Variants in CPS1 observed in about 807,000 individuals in gnomAD.
CPS1 encodes the protein carbamoyl-phosphate synthase [ammonia], mitochondrial.
CPS1 carries 109 observed loss-of-function variants against 174.6 expected under a neutral mutation model. The observed-to-expected ratio is 0.62, with a 90% CI of 0.53 to 0.73. CPS1 has a LOEUF of 0.73. CPS1 is among the 30% of genes least tolerant of loss of function. The pLI is 0.00. For synonymous variants in CPS1, 637 were observed against 632.0 expected (o/e 1.01, Z -0.12); for missense variants, 1,689 against 1,821.9 (o/e 0.93, Z 1.33).
rs756845919 is a variant in CPS1, at chr2:210,648,087, A to G, written c.3336+30A>G. ...GGAGAGAAACAAGTATCTGTTTCTAATGTTCTATTTTGAAGAGCTGCAACC... is the reference window on the plus strand; with the variant it reads ...GGAGAGAAACAAGTATCTGTTTCTAGTGTTCTATTTTGAAGAGCTGCAACC... On this transcript the variant is annotated intron_variant, in intron 26 of 37. Coordinates refer to ENST00000233072, the MANE Select transcript of CPS1 (RefSeq NM_001875.5). 1.9e-6 allele frequency: 3 copies of G among 1,601,364 alleles called. No homozygotes were observed. In the South Asian group the frequency reaches 3.3e-5, roughly 18 times the overall value.
chr2:210,577,334 A>C, intron 3 of CPS1, 87 bp from the exon 4 acceptor site: 1 of 1,102,438 alleles, frequency 9.1e-7, no homozygotes, highest in Non-Finnish European at 1.4e-6. Context: ...TGGATATCAT[A>C]AAACTTAAAA....
At chr2:210,569,025 G>A (rs1167075806) in intron 1 of CPS1, among the ~76,000 whole-genome samples, 1 of 151,742 alleles carries the variant, frequency 6.6e-6, no homozygotes, top group African/African-American at 2.4e-5. Context: ...GAAACATTCT[G>A]CTAAATACTC....
intron 1 of CPS1, among the ~76,000 whole-genome samples, chr2:210,557,658 T>C (rs1696957137): frequency 6.6e-6 from 1 of 152,098 alleles, no homozygotes; most frequent in Non-Finnish European, 1.5e-5. Flanking sequence ...CCAATGAAAA[T>C]AATCTTTAGT....
In CPS1 at chr2:210,656,547, A is replaced by C; in HGVS notation, c.3581A>C (p.Glu1194Ala). The part of the protein sequence containing the change: ...DGRVISHAIS[E>A]HVEDAGVHSG... Reference sequence around the variant, plus strand: ...CAGGTTATCTCTCATGCCATCTCTGAACATGTTGAAGATGCAGGTGTCCAC... The same window carrying C: ...CAGGTTATCTCTCATGCCATCTCTGCACATGTTGAAGATGCAGGTGTCCAC... The change falls in exon 30 of 38, where the codon GAA becomes GCA. Residue 1194 changes from glutamate (E) to alanine (A), a missense_variant. Glu to Ala is a moderately radical substitution (Grantham distance 107). Transcript: ENST00000233072. The C allele has an allele frequency of 6.2e-7, 1 of 1,611,130 alleles. No individual in the cohort carries two copies. Among genetic ancestry groups the C allele is most frequent in the Non-Finnish European group, 8.5e-7 (1 of 1,178,952 alleles).
chr2:210,672,564 A>T (rs577274874), intron 34 of CPS1: 1 of 152,338 alleles, frequency 6.6e-6, no homozygotes, highest in East Asian at 1.9e-4. Context: ...GCCTTTTCTG[A>T]GGAGAATGAA....
intron 23 of CPS1, among the ~76,000 whole-genome samples, chr2:210,639,743 A>G (rs1424212400): frequency 6.6e-6 from 1 of 152,146 alleles, no homozygotes; most frequent in Non-Finnish European, 1.5e-5. Context: ...ATTAAGGACA[A>G]TGACTACATG....
At chr2:210,495,599 T>A (rs1416912869) in intron 1 of CPS1, among the ~76,000 whole-genome samples, 2 of 152,220 alleles carry the variant, frequency 1.3e-5, no homozygotes, top group East Asian at 3.9e-4. Flanking sequence ...TTTTTCCTGC[T>A]TGTTCATTCC....
chr2:210,564,427 G>C (rs1200911648), intron 1 of CPS1, among the ~76,000 whole-genome samples: 3 of 151,812 alleles, frequency 2.0e-5, no homozygotes, highest in Admixed American at 2.0e-4. Context: ...CCAGGCTGGA[G>C]TGCAGTGCTG....
At chr2:210,615,317 C>T (rs1484755440) in intron 20 of CPS1, among the ~76,000 whole-genome samples, 1 of 151,928 alleles carries the variant, frequency 6.6e-6, no homozygotes, top group Non-Finnish European at 1.5e-5. Context: ...CATACATTGA[C>T]TAGGAAATGA....
At position 210,533,817 on chromosome 2, in the gene CPS1, C is replaced by T. The variant is rs1182189039; in HGVS notation, c.4-22902C>T. Among the ~76,000 whole-genome samples, 4 of 152,120 alleles carry T rather than the reference C, an allele frequency of 2.6e-5. No individual in the cohort carries two copies. The East Asian group carries it at 7.7e-4, about 29-fold the overall frequency. ...GAGGGATCATGCACCAGACAGTGGC[C>T]TACCAGGGGGCATTAATCAAATGAT... On this transcript the variant is annotated intron_variant, in intron 1 of 38. Transcript: ENST00000430249.
At chr2:210,577,231 G>T (rs1697742037) in intron 3 of CPS1, 190 bp from the exon 4 acceptor site, 2 of 609,288 alleles carry the variant, frequency 3.3e-6, no homozygotes, top group Non-Finnish European at 5.8e-6. Flanking sequence ...TCCCTCTCAG[G>T]ATAATTAATG....
At chr2:210,670,895 A>G (rs1443762116) in intron 34 of CPS1, among the ~76,000 whole-genome samples, 2 of 152,206 alleles carry the variant, frequency 1.3e-5, no homozygotes, top group Non-Finnish European at 2.9e-5. Context: ...ACTTAGGATA[A>G]AAGAATCAAG....
At chr2:210,584,213 G>C (rs1409792578) in intron 6 of CPS1, among the ~76,000 whole-genome samples, 2 of 152,000 alleles carry the variant, frequency 1.3e-5, no homozygotes, top group Non-Finnish European at 2.9e-5. Context: ...GGTTACCATG[G>C]GGCTTTACAT....
intron 1 of CPS1, among the ~76,000 whole-genome samples, chr2:210,495,637 G>GA (rs1694974941): frequency 6.6e-6 from 1 of 152,076 alleles, no homozygotes; most frequent in African/African-American, 2.4e-5. Flanking sequence ...TTTAATCCCG[G>GA]AAAAATATTT....
At position 210,639,338 on chromosome 2, in the gene CPS1, C is replaced by T. The variant is rs541106621; in HGVS notation, c.2895+123C>T. ...AATAAAAAAAGGCATCATGGCCGGG[C>T]GCGGTGGCTCACGCCTGTAATCCCA... On this transcript the variant is annotated intron_variant, in intron 23 of 37. Transcript: ENST00000233072. The T allele has an allele frequency of 1.3e-3, 1,014 of 801,410 alleles. 10 individuals carry two copies. The highest frequency in any genetic ancestry group is 8.6e-3 in the South Asian group (584 of 67,784). The allele number at this position is 801,410 out of a possible 1,614,324, so 49.6% of individuals were successfully genotyped here.
At chr2:210,562,437 T>A (rs1030088774) in intron 1 of CPS1, among the ~76,000 whole-genome samples, 7 of 152,300 alleles carry the variant, frequency 4.6e-5, no homozygotes, top group Non-Finnish European at 7.4e-5. Flanking sequence ...CATGAAATAT[T>A]TCAAAGACAA....
chr2:210,514,772 A>G (rs1695630026), intron 1 of CPS1, among the ~76,000 whole-genome samples: 1 of 138,472 alleles, frequency 7.2e-6, no homozygotes, highest in African/African-American at 2.6e-5. Context: ...TCCAGTTCTC[A>G]ATGGGAATGC....
chr2:210,486,135 CA>C (rs1446064436), intron 1 of CPS1, among the ~76,000 whole-genome samples: 1 of 103,372 alleles, frequency 9.7e-6, no homozygotes, highest in Non-Finnish European at 2.0e-5. Context: ...CACACACACA[CA>C]CACACACACA....
intron 31 of CPS1, among the ~76,000 whole-genome samples, chr2:210,659,311 G>A (rs1374244242): frequency 6.6e-6 from 1 of 152,082 alleles, no homozygotes; most frequent in African/African-American, 2.4e-5. Flanking sequence ...GCAAGGGAGT[G>A]GGCAGGTGCA....
Sources: allele counts gnomAD v4.1 joint callset (sites outside exome capture counted in the v4.1 genomes callset), GRCh38; gene constraint gnomAD v4.1.1; transcripts MANE v1.5; gene names NCBI Gene and HGNC (gene_info 2026-07-23, HGNC 2026-07-21).